GRB2: variants seen among roughly 807,000 people sequenced by gnomAD.
GRB2 encodes the protein growth factor receptor bound protein 2.
In GRB2, 2 loss-of-function variants were observed where a neutral mutation model predicts 27.4. The ratio of observed to expected loss-of-function variants is 0.07; its 90% CI spans 0.03 to 0.23. GRB2 has a LOEUF of 0.23. Among genes scored for constraint, GRB2 ranks in the 10% least tolerant of loss-of-function variants. GRB2 has a pLI of 1.00. For missense variants in GRB2, 102 were observed against 282.4 expected, an observed-to-expected ratio of 0.36 and a Z score of 4.58; for synonymous variants, 94 against 99.6, an observed-to-expected ratio of 0.94 and a Z score of 0.33.
At chr17:75,331,281 T>C (rs540605451) in intron 3 of GRB2, among the ~76,000 whole-genome samples, 117 of 152,336 alleles carry the variant, frequency 7.7e-4, no homozygotes, top group South Asian at 2.3e-3. Context: ...GGGCAGAGTC[T>C]GCAAATAACA....
intron 2 of GRB2, among the ~76,000 whole-genome samples, chr17:75,355,153 T>C (rs2078723514): frequency 6.6e-6 from 1 of 152,192 alleles, no homozygotes; most frequent in East Asian, 1.9e-4. Context: ...CAAAACAAAA[T>C]TCTACGAAGG....
At chr17:75,399,365 T>C (rs1459182630) in intron 1 of GRB2, among the ~76,000 whole-genome samples, 7 of 121,986 alleles carry the variant, frequency 5.7e-5, no homozygotes, top group South Asian at 5.6e-4. Context: ...TGACAATCTT[T>C]TCTTTTTTTT....
At position 75,320,591 on chromosome 17, in the gene GRB2, C is replaced by T. The variant is rs1169886762; in HGVS notation, c.469-38G>A. 6.4e-7 allele frequency: 1 copy of T among 1,571,422 alleles called. No individual in the cohort carries two copies. Among genetic ancestry groups the T allele is most frequent in the Admixed American group, 1.7e-5 (1 of 59,532 alleles). On this transcript the variant is annotated intron_variant, in intron 5 of 5. Transcript: ENST00000316804. This position sits in a 1 kb window ranked among gnomAD's most constrained non-coding sequence, Gnocchi z 4.3. ...AGCAGGAAAAACCCACATTGCATTC[C>T]TGGTCTGTGACTGGCCACCTCCGAG...
chr17:75,326,308 C>T (rs184828197), intron 3 of GRB2: 1 of 406,852 alleles, frequency 2.5e-6, no homozygotes, highest in African/African-American at 2.1e-5. Context: ...CAGGCCAAAG[C>T]CCACTGGACT....
intron 2 of GRB2, among the ~76,000 whole-genome samples, chr17:75,341,194 T>A (rs972818844): frequency 2.0e-5 from 3 of 151,976 alleles, no homozygotes; most frequent in African/African-American, 7.2e-5. Context: ...CACTTTGGCA[T>A]GCTGAGGTGA....
chr17:75,363,859 C>CA lies in GRB2; in HGVS notation c.78+29691dup, dbSNP rs55746272. ...TGGGCGACAGAGCAAGACTCCGTCT[C>CA]AAAAAAAAAAAAAAAAAAAAAAAAA... On this transcript the variant is annotated intron_variant, in intron 2 of 5. Transcript: ENST00000316804. 8.4e-4 allele frequency among the ~76,000 whole-genome samples: 49 copies of CA among 58,524 alleles called. 6 individuals carry two copies. Among genetic ancestry groups the CA allele is most frequent in the African/African-American group, 2.9e-3 (43 of 14,606 alleles). 38.4% of individuals were successfully genotyped at this position (58,524 alleles called of 152,430 possible).
rs1291954275 is a variant in GRB2 at position 75,321,605 on chromosome 17, C to A, written c.468+54G>T. 7 of 1,547,468 alleles carry A rather than the reference C, an allele frequency of 4.5e-6. No homozygotes were observed. In the Admixed American group the frequency reaches 6.7e-5, roughly 15 times the overall value. ...CTCCCCTTTCCTACAGGAATGCACA[C>A]TGAGGAGCTATTCTTAACTAAAAAT... On this transcript the variant is annotated intron_variant, in intron 5 of 5. Coordinates refer to ENST00000316804, the MANE Select transcript of GRB2 (RefSeq NM_002086.5).
chr17:75,376,381 C>A (rs1228821495), intron 2 of GRB2, among the ~76,000 whole-genome samples: 3 of 150,358 alleles, frequency 2.0e-5, no homozygotes, highest in Non-Finnish European at 3.0e-5. Flanking sequence ...TTTAACCCGA[C>A]CTGGTGGCAT....
chr17:75,385,021 G>C (rs2078953426), intron 2 of GRB2, among the ~76,000 whole-genome samples: 1 of 92,800 alleles, frequency 1.1e-5, no homozygotes, highest in African/African-American at 4.1e-5. Context: ...GAGACCTCCT[G>C]GCTCTACCAA....
intron 2 of GRB2, among the ~76,000 whole-genome samples, chr17:75,345,407 T>C (rs2145836147): frequency 6.6e-6 from 1 of 152,280 alleles, no homozygotes; most frequent in South Asian, 2.1e-4. Context: ...AAAGGACTGA[T>C]CGATTTTCAG....
chr17:75,377,557 C>T (rs1473368457), intron 2 of GRB2, among the ~76,000 whole-genome samples: 1 of 130,056 alleles, frequency 7.7e-6, no homozygotes, highest in African/African-American at 2.9e-5. Flanking sequence ...GAAGTTGAGG[C>T]TGCACTCCAG....
In GRB2 at chr17:75,321,838, C is replaced by T; in HGVS notation, c.300-11G>A. ...ACATCGTTTCCAAACCTGGGAGGGA[C>T]AGAAAGCACATGTGACCGGCTAAAG... On this transcript the variant is annotated splice_polypyrimidine_tract_variant and intron_variant, in intron 4 of 5. Transcript: ENST00000316804. 6.2e-7 allele frequency: 1 copy of T among 1,612,796 alleles called. No individual in the cohort carries two copies. Among genetic ancestry groups the T allele is most frequent in the Non-Finnish European group, 8.5e-7 (1 of 1,179,882 alleles).
In GRB2 at chr17:75,372,857, G is replaced by A. The variant is rs1006076017; in HGVS notation, c.78+20694C>T. The stretch of plus-strand genomic sequence containing the variant: ...CTTAAAACACTATCAATACGCATTC[G>A]ATGAGAAATAACATCTTCCACAGAA... On this transcript the variant is annotated intron_variant, in intron 2 of 5. Transcript: ENST00000316804. The A allele has an allele frequency of 2.0e-5, 3 of 152,172 alleles. No individual in the cohort carries two copies. In the East Asian group the frequency reaches 5.8e-4, roughly 29 times the overall value. The allele number at this position is 152,172 out of a possible 1,614,324, so 9.4% of individuals were successfully genotyped here.
chr17:75,384,078 C>T (rs933986436), intron 2 of GRB2, among the ~76,000 whole-genome samples: 14 of 152,132 alleles, frequency 9.2e-5, no homozygotes, highest in African/African-American at 3.4e-4. Flanking sequence ...TACAATACTT[C>T]AGATGTCTCT....
At chr17:75,343,878 A>C (rs146274370) in intron 2 of GRB2, among the ~76,000 whole-genome samples, 1 of 152,214 alleles carries the variant, frequency 6.6e-6, no homozygotes, top group East Asian at 1.9e-4. Flanking sequence ...CACAGAGATC[A>C]AGAGGTTTCA....
intron 2 of GRB2, among the ~76,000 whole-genome samples, chr17:75,366,442 G>A (rs1024914003): frequency 1.0e-4 from 15 of 148,728 alleles, no homozygotes; most frequent in African/African-American, 3.7e-4. Flanking sequence ...CAGCACTTTG[G>A]GAGGCTGGCA....
At chr17:75,337,435 A>G (rs1477965963) in intron 2 of GRB2, among the ~76,000 whole-genome samples, 1 of 152,034 alleles carries the variant, frequency 6.6e-6, no homozygotes, top group Non-Finnish European at 1.5e-5. Flanking sequence ...ACACAAATGA[A>G]TGTTGAAGAG....
intron 2 of GRB2, among the ~76,000 whole-genome samples, chr17:75,366,568 G>A (rs2078821209): frequency 6.6e-6 from 1 of 151,406 alleles, no homozygotes; most frequent in East Asian, 1.9e-4. Context: ...GGAGGCTGAG[G>A]CGGGCGGATC....
At chr17:75,342,040 C>T (rs986643355) in intron 2 of GRB2, among the ~76,000 whole-genome samples, 1 of 152,154 alleles carries the variant, frequency 6.6e-6, no homozygotes, top group Non-Finnish European at 1.5e-5. Context: ...CACTGTACTC[C>T]TCCCCACCGC....
Sources: gnomAD v4.1 joint callset for allele counts (sites outside exome capture counted in the v4.1 genomes callset) on GRCh38, gnomAD v4.1.1 for gene constraint, Gnocchi (gnomAD v3.1) non-coding constraint, MANE v1.5 for transcripts, NCBI Gene and HGNC (gene_info 2026-07-23, HGNC 2026-07-21) for gene names.